The following GFRA1 variants were observed in gnomAD, a reference collection of about 807,000 sequenced individuals.
The protein encoded by GFRA1 is GDNF family receptor alpha-1.
Under a neutral mutation model 51.6 loss-of-function variants are expected in GFRA1, and 16 were observed. That is an observed-to-expected ratio of 0.31 (90% CI 0.21 to 0.47). The LOEUF is 0.47. Among genes scored for constraint, GFRA1 ranks in the 20% least tolerant of loss-of-function variants. The pLI, the probability that GFRA1 is intolerant of heterozygous loss-of-function variation, is 1.00. For missense variants in GFRA1, 530 were observed against 594.3 expected, an observed-to-expected ratio of 0.89 and a Z score of 1.13; for synonymous variants, 270 against 241.3, an observed-to-expected ratio of 1.12 and a Z score of -1.10.
intron 5 of GFRA1, among the ~76,000 whole-genome samples, chr10:116,170,364 C>A (rs1466765261): frequency 6.6e-6 from 1 of 152,198 alleles, no homozygotes; most frequent in African/African-American, 2.4e-5. Context: ...CAAATGTCTT[C>A]TCTTTACTTT....
At chr10:116,130,998 G>C (rs1305751015) in intron 5 of GFRA1, among the ~76,000 whole-genome samples, 1 of 152,102 alleles carries the variant, frequency 6.6e-6, no homozygotes, top group Non-Finnish European at 1.5e-5. Context: ...CCACAGACTG[G>C]AGAAAATATT....
intron 9 of GFRA1, 72 bp downstream of exon 9, chr10:116,089,669 A>G: frequency 7.9e-7 from 1 of 1,271,924 alleles, no homozygotes; most frequent in Middle Eastern, 2.3e-4. Context: ...CATTTCAGAA[A>G]ATGGGTCTGC....
chr10:116,243,871 A>T (rs191066554), intron 4 of GFRA1, among the ~76,000 whole-genome samples: 17 of 152,318 alleles, frequency 1.1e-4, no homozygotes, highest in African/African-American at 4.1e-4. Context: ...GGCTCAGAGT[A>T]TCTCTGCTCA....
intron 5 of GFRA1, among the ~76,000 whole-genome samples, chr10:116,135,010 G>A (rs1237609181): frequency 6.6e-6 from 1 of 152,066 alleles, no homozygotes; most frequent in Non-Finnish European, 1.5e-5. Context: ...TTTTCCTTTT[G>A]TTATACATTG....
chr10:116,262,829 A>G (rs1343776288), intron 4 of GFRA1, among the ~76,000 whole-genome samples: 1 of 152,206 alleles, frequency 6.6e-6, no homozygotes, highest in Non-Finnish European at 1.5e-5. Flanking sequence ...AGGGAGCAGT[A>G]ATTCTTGCCG....
At chr10:116,089,229 G>GT (rs1956229714) in intron 9 of GFRA1, among the ~76,000 whole-genome samples, 1 of 152,098 alleles carries the variant, frequency 6.6e-6, no homozygotes, top group Non-Finnish European at 1.5e-5. Context: ...AAGAGCACTT[G>GT]CTTTTGCTTC....
At chr10:116,074,255 C>T (rs1276440712) in intron 9 of GFRA1, among the ~76,000 whole-genome samples, 1 of 152,156 alleles carries the variant, frequency 6.6e-6, no homozygotes, top group Non-Finnish European at 1.5e-5. Flanking sequence ...CCCAGTCACT[C>T]TGACTCTAAA....
chr10:116,065,509 C>T (rs879095690), intron 10 of GFRA1, 64 bp downstream of exon 10: 33 of 1,301,870 alleles, frequency 2.5e-5, no homozygotes, highest in South Asian at 2.5e-4. Context: ...TGATACCCTG[C>T]CCCCAGGGGC....
intron 10 of GFRA1, 75 bp from the exon 11 acceptor site, chr10:116,064,619 C>T (rs565430404): frequency 7.5e-7 from 1 of 1,329,700 alleles, no homozygotes; most frequent in East Asian, 2.3e-5. Context: ...CACTCTCTCT[C>T]CCCCCGACTC....
At chr10:116,215,129 T>C (rs1431649891) in intron 4 of GFRA1, among the ~76,000 whole-genome samples, 4 of 152,218 alleles carry the variant, frequency 2.6e-5, no homozygotes, top group African/African-American at 9.6e-5. Flanking sequence ...CCATTCTTAC[T>C]ATTATTTATC....
At chr10:116,159,539 AG>A (rs1959523243) in intron 5 of GFRA1, among the ~76,000 whole-genome samples, 1 of 152,218 alleles carries the variant, frequency 6.6e-6, no homozygotes, top group Admixed American at 6.5e-5. Flanking sequence ...GCTTGGTGTC[AG>A]GGTGTCCCCA....
chr10:116,231,785 T>C lies in GFRA1; in HGVS notation c.419-20140A>G, dbSNP rs79979308. On this transcript the variant is annotated intron_variant, in intron 4 of 10. Coordinates refer to ENST00000355422, the MANE Select transcript of GFRA1 (RefSeq NM_005264.8). ...ATTCTAACTACAATATAAAAGCTAA[T>C]GCTCTGTGACAGGCATTACTTCACA... 7.9e-5 allele frequency among the ~76,000 whole-genome samples: 12 copies of C among 152,334 alleles called. No homozygotes were observed. In the East Asian group the frequency reaches 2.1e-3, roughly 27 times the overall value.
chr10:116,196,595 TAATATATATATAGTACTATATATAATA>T (rs1565643354), intron 5 of GFRA1, among the ~76,000 whole-genome samples: 7 of 15,148 alleles, frequency 4.6e-4, no homozygotes, highest in African/African-American at 8.0e-4. Context: ...GTACTATATA[TAATATATATATAGTACTATATATAATA>T]TATATAATAT....
In GFRA1 at chr10:116,074,855, T is replaced by C. The variant is rs569645667; in HGVS notation, c.1198-9229A>G. Among the ~76,000 whole-genome samples, 12 of 152,284 alleles carry C rather than the reference T, an allele frequency of 7.9e-5. No individual in the cohort carries two copies. The East Asian group carries it at 2.3e-3, about 29-fold the overall frequency. On this transcript the variant is annotated intron_variant, in intron 9 of 10. Coordinates refer to ENST00000355422, the MANE Select transcript of GFRA1 (RefSeq NM_005264.8). ...GCAGAACCTATTATTCAGGGGAACA[T>C]GGTTGGCTAGAAGTCCTAAGGATAA... is the stretch of plus-strand genomic sequence containing the variant.
chr10:116,264,900 G>A (rs949764650), intron 4 of GFRA1, among the ~76,000 whole-genome samples: 2 of 152,164 alleles, frequency 1.3e-5, no homozygotes, highest in African/African-American at 2.4e-5. Context: ...GGACCACCAC[G>A]ATCCCTAATA....
At chr10:116,182,982 T>C (rs1005125337) in intron 5 of GFRA1, among the ~76,000 whole-genome samples, 14 of 152,304 alleles carry the variant, frequency 9.2e-5, no homozygotes, top group African/African-American at 3.4e-4. Flanking sequence ...ACTGACCTTT[T>C]GGAATCAAGG....
rs140464153 is a variant in GFRA1 at position 116,073,190 on chromosome 10, G to T, written c.1198-7564C>A. On this transcript the variant is annotated intron_variant, in intron 9 of 10. Transcript: ENST00000355422. ...TGTCAGTCTCCAGCACACCATAAAA[G>T]GATGCCTGCAGCTTTGTACTTGTAA... is the stretch of plus-strand genomic sequence containing the variant. Among the ~76,000 whole-genome samples the T allele has an allele frequency of 4.3e-3, 660 of 152,240 alleles. 4 individuals carry two copies. Among genetic ancestry groups the T allele is most frequent in the African/African-American group, 0.015 (633 of 41,538 alleles).
chr10:116,252,038 T>A (rs549374015), intron 4 of GFRA1, among the ~76,000 whole-genome samples: 1 of 150,184 alleles, frequency 6.7e-6, no homozygotes, highest in South Asian at 2.1e-4. Flanking sequence ...TATTTTAGGG[T>A]TTTCCAAACA....
At chr10:116,079,519 C>G (rs577285576) in intron 9 of GFRA1, among the ~76,000 whole-genome samples, 2 of 152,018 alleles carry the variant, frequency 1.3e-5, no homozygotes, top group African/African-American at 2.4e-5. Flanking sequence ...AGGCACCCTT[C>G]GCTTCGGGCA....
Sources: allele counts gnomAD v4.1 joint callset (sites outside exome capture counted in the v4.1 genomes callset), GRCh38; gene constraint gnomAD v4.1.1; transcripts MANE v1.5; gene names NCBI Gene and HGNC (gene_info 2026-07-23, HGNC 2026-07-21).